Variants in CUX1 observed in about 807,000 individuals in gnomAD.
The protein encoded by CUX1 is protein CASP.
CUX1 carries 31 observed loss-of-function variants against 158.8 expected under a neutral mutation model. The observed-to-expected ratio is 0.20, with a 90% CI of 0.15 to 0.26. The LOEUF (loss-of-function observed/expected upper bound fraction) is 0.26. Among genes scored for constraint, CUX1 ranks in the 10% least tolerant of loss-of-function variants. The pLI, the probability that CUX1 is intolerant of heterozygous loss-of-function variation, is 1.00. For synonymous variants in CUX1, 879 were observed against 862.1 expected, an observed-to-expected ratio of 1.02 and a Z score of -0.34; for missense variants, 1,589 against 2,014.6, an observed-to-expected ratio of 0.79 and a Z score of 4.04.
chr7:102,281,894 C>G, exon 21 of CUX1: 1 of 1,613,278 alleles, frequency 6.2e-7, no homozygotes, highest in Non-Finnish European at 8.5e-7. Flanking sequence ...CTTCTACACA[C>G]TGTTCCTGCA....
intron 2 of CUX1, among the ~76,000 whole-genome samples, chr7:101,992,386 T>C (rs1411948892): frequency 6.6e-6 from 1 of 152,196 alleles, no homozygotes; most frequent in East Asian, 1.9e-4. Flanking sequence ...AGTGGCCAAC[T>C]TAAACTCCAC....
Position 102,156,038 on chromosome 7 carries a change from A to T in CUX1, c.675-2522A>T, listed in dbSNP as rs146064002. Reference sequence around the variant, plus strand: ...CCGGATATTATTTCAAACAGATACAATGAACATTGAACCCGATCACAAGGC... The same window carrying T: ...CCGGATATTATTTCAAACAGATACATTGAACATTGAACCCGATCACAAGGC... On this transcript the variant is annotated intron_variant, in intron 8 of 23. Coordinates refer to ENST00000292535, the MANE Select transcript of CUX1 (RefSeq NM_181552.4). 4.5e-3 allele frequency among the ~76,000 whole-genome samples: 683 copies of T among 152,338 alleles called. 3 individuals carry two copies. The highest frequency in any genetic ancestry group is 0.015 in the African/African-American group (631 of 41,570).
rs572947458 is a variant in CUX1, at chr7:102,012,029, C to T, written c.142-16069C>T. ...TCACCATGTTGGCCATGCTGGTTGA[C>T]GCTTGAATTTATTTATTTATTTCAG... On this transcript the variant is annotated intron_variant, in intron 2 of 23. Coordinates refer to ENST00000292535, the MANE Select transcript of CUX1 (RefSeq NM_181552.4). Among the ~76,000 whole-genome samples the T allele has an allele frequency of 1.2e-3, 183 of 151,498 alleles. 2 individuals carry two copies. In the South Asian group the frequency reaches 0.02, roughly 16 times the overall value.
At chr7:102,273,433 G>C (rs782281689) in exon 15 of CUX1, 1 of 1,613,296 alleles carries the variant, frequency 6.2e-7, no homozygotes, top group Non-Finnish European at 8.5e-7. Context: ...AGAGAGAGCT[G>C]ATCGCCCGCC....
In CUX1 at chr7:102,201,278, G is replaced by A; in HGVS notation, c.2063-82G>A. The A allele has an allele frequency of 1.3e-6, 2 of 1,544,714 alleles. No individual in the cohort carries two copies. Among genetic ancestry groups the A allele is most frequent in the Non-Finnish European group, 1.7e-6 (2 of 1,145,024 alleles). ...TCTCCCAAATAACCCACACTTTGCAGTAGGTCAAGTTAGGATGAGAAGCAT... is the reference window on the plus strand; with the variant it reads ...TCTCCCAAATAACCCACACTTTGCAATAGGTCAAGTTAGGATGAGAAGCAT... On this transcript the variant is annotated intron_variant, in intron 17 of 23. Transcript: ENST00000292535. This position sits in a 1 kb window ranked among gnomAD's most constrained non-coding sequence, Gnocchi z 5.0.
At chr7:101,870,218 A>G (rs1798375174) in intron 1 of CUX1, among the ~76,000 whole-genome samples, 1 of 140,692 alleles carries the variant, frequency 7.1e-6, no homozygotes, top group African/African-American at 2.7e-5. Context: ...CAGTGGCACC[A>G]TCCTAGCTCA....
intron 7 of CUX1, among the ~76,000 whole-genome samples, chr7:102,114,511 A>G (rs1417027155): frequency 6.6e-6 from 1 of 152,230 alleles, no homozygotes; most frequent in Middle Eastern, 3.2e-3. Flanking sequence ...TCCTGACCTC[A>G]GGTGATCTGC....
chr7:102,006,048 C>T (rs34296188), intron 2 of CUX1, among the ~76,000 whole-genome samples: 6,691 of 152,262 alleles, frequency 0.044, 215 homozygotes, highest in Non-Finnish European at 0.069. Context: ...AGGTTGAAGT[C>T]CGTCATTCTC....
At chr7:102,233,537 A>T (rs886324991) in intron 21 of CUX1, among the ~76,000 whole-genome samples, 1 of 152,186 alleles carries the variant, frequency 6.6e-6, no homozygotes, top group African/African-American at 2.4e-5. Context: ...CTATAATCCC[A>T]GCACTTTGGG....
chr7:102,227,377 A>T lies in CUX1; in HGVS notation c.3141A>T (p.Pro1047=). ...GTGCTTTAATTACAGAAAGCACTCC[A>T]AAGACCTCCGCCAGCTGCAGCCCTG... ...QQGCVSSEST[P]KTSASCSPAP... The change falls in exon 21 of 24, where the codon CCA becomes CCT. Residue 1047 remains proline, a synonymous_variant. Coordinates refer to ENST00000292535, the MANE Select transcript of CUX1 (RefSeq NM_181552.4). 6.2e-7 allele frequency: 1 copy of T among 1,607,106 alleles called. No individual in the cohort carries two copies. Among genetic ancestry groups the T allele is most frequent in the Non-Finnish European group, 8.5e-7 (1 of 1,174,514 alleles).
At chr7:102,093,314 G>A (rs1485586135) in intron 4 of CUX1, among the ~76,000 whole-genome samples, 1 of 151,644 alleles carries the variant, frequency 6.6e-6, no homozygotes, top group African/African-American at 2.4e-5. Context: ...GCCTCCCAAG[G>A]AGCTGGGACT....
chr7:101,927,735 G>A (rs191242885), intron 2 of CUX1, among the ~76,000 whole-genome samples: 68 of 152,330 alleles, frequency 4.5e-4, no homozygotes, highest in Non-Finnish European at 7.6e-4. Context: ...TGTTTTCTGG[G>A]CCAAAGGCCC....
intron 1 of CUX1, among the ~76,000 whole-genome samples, chr7:101,881,346 C>T (rs1442652611): frequency 6.6e-6 from 1 of 152,128 alleles, no homozygotes; most frequent in African/African-American, 2.4e-5. Context: ...AGTCTGACAC[C>T]GTGTTCCCAT....
At chr7:102,076,441 A>C (rs984232371) in intron 4 of CUX1, among the ~76,000 whole-genome samples, 1 of 152,122 alleles carries the variant, frequency 6.6e-6, no homozygotes, top group East Asian at 1.9e-4. Flanking sequence ...ATACAGTAGC[A>C]TTGAACCCTC....
At chr7:101,909,603 T>C (rs1803186591) in intron 1 of CUX1, among the ~76,000 whole-genome samples, 1 of 152,254 alleles carries the variant, frequency 6.6e-6, no homozygotes, top group Non-Finnish European at 1.5e-5. Context: ...AGCAAAACCA[T>C]TTAAGATTTC....
In CUX1 at chr7:102,255,972, G is replaced by C. The variant is rs1326960237; in HGVS notation, c.*6930G>C. ...TGCACACCAAATGAACTCAAAGTAA[G>C]CTTTAGACCAGGACGATTCAGGTTA... is the stretch of plus-strand genomic sequence containing the variant. On this transcript the variant is annotated 3_prime_UTR_variant, in exon 24 of 24. Transcript: ENST00000292535. The C allele has an allele frequency of 8.1e-6, 8 of 985,418 alleles. No homozygotes were observed. Among genetic ancestry groups the C allele is most frequent in the Non-Finnish European group, 9.6e-6 (8 of 829,934 alleles). The allele number at this position is 985,418 out of a possible 1,614,324, so 61.0% of individuals were successfully genotyped here. A position where few individuals can be genotyped will look rare whatever the true frequency, so the allele number is the denominator to read the frequency against.
chr7:102,197,709 G>T (rs561927128), intron 15 of CUX1, among the ~76,000 whole-genome samples: 8 of 152,006 alleles, frequency 5.3e-5, no homozygotes, highest in Non-Finnish European at 1.0e-4. Flanking sequence ...ACGTTGACTG[G>T]GCTCGATCCT....
intron 2 of CUX1, among the ~76,000 whole-genome samples, chr7:101,966,866 G>A (rs1287926960): frequency 1.3e-5 from 2 of 152,132 alleles, no homozygotes; most frequent in South Asian, 4.1e-4. Context: ...GCTCTCAAGT[G>A]GTCTGGATAG....
At chr7:102,043,134 A>G (rs1822315007) in intron 3 of CUX1, among the ~76,000 whole-genome samples, 1 of 151,958 alleles carries the variant, frequency 6.6e-6, no homozygotes, top group Non-Finnish European at 1.5e-5. Flanking sequence ...TATTTTTTGT[A>G]GAGACGAGGT....
Sources: allele counts gnomAD v4.1 joint callset (sites outside exome capture counted in the v4.1 genomes callset), GRCh38; gene constraint gnomAD v4.1.1; non-coding constraint Gnocchi (gnomAD v3.1); transcripts MANE v1.5; gene names NCBI Gene and HGNC (gene_info 2026-07-23, HGNC 2026-07-21).